Variants in TMTC1 observed in about 807,000 individuals in gnomAD.
TMTC1 encodes the protein protein O-mannosyl-transferase TMTC1.
In TMTC1, 73 loss-of-function variants were observed where a neutral mutation model predicts 104.8. The ratio of observed to expected loss-of-function variants is 0.70; its 90% confidence interval spans 0.58 to 0.85. The LOEUF is 0.85. Ranked by LOEUF, TMTC1 falls within the 40% of genes least tolerant of loss-of-function variation. The pLI, the probability that TMTC1 is intolerant of heterozygous loss-of-function variation, is 0.00. For missense variants in TMTC1, 1,035 were observed against 1,096.1 expected (o/e 0.94, Z 0.79); for synonymous variants, 434 against 428.7 (o/e 1.01, Z -0.15).
At chr12:29,643,688 A>AATT (rs1939035598) in intron 5 of TMTC1, among the ~76,000 whole-genome samples, 1 of 16,818 alleles carries the variant, frequency 5.9e-5, no homozygotes, top group Non-Finnish European at 1.0e-4. Flanking sequence ...TATATTATAT[A>AATT]TATTATATAT....
chr12:29,588,589 G>A (rs955426772), intron 7 of TMTC1, among the ~76,000 whole-genome samples: 1 of 152,212 alleles, frequency 6.6e-6, no homozygotes, highest in South Asian at 2.1e-4. Context: ...CAAAGAGACA[G>A]TAATCCTTAT....
At chr12:29,672,314 C>T (rs1221022190) in intron 5 of TMTC1, among the ~76,000 whole-genome samples, 1 of 152,210 alleles carries the variant, frequency 6.6e-6, no homozygotes, top group Non-Finnish European at 1.5e-5. Context: ...CTCTAATTTG[C>T]TCCCAAAAAG....
chr12:29,653,049 G>A (rs982883567), intron 5 of TMTC1, among the ~76,000 whole-genome samples: 2 of 151,706 alleles, frequency 1.3e-5, no homozygotes, highest in African/African-American at 4.8e-5. Context: ...GTGACAGAGT[G>A]AAACTGTGAA....
At position 29,737,872 on chromosome 12, in the gene TMTC1, C is replaced by T. The variant is rs74079997; in HGVS notation, c.938+13794G>A. Among the ~76,000 whole-genome samples the T allele has an allele frequency of 5.3e-3, 801 of 152,290 alleles. 12 individuals are homozygous for T. Among genetic ancestry groups the T allele is most frequent in the African/African-American group, 0.017 (710 of 41,564 alleles). ...TGCACGCTGTTTACCTCCTGGCTTA[C>T]AATAGGCATTCCACAGGGACTCCCT... On this transcript the variant is annotated intron_variant, in intron 5 of 17. Coordinates refer to ENST00000539277, the MANE Select transcript of TMTC1 (RefSeq NM_001193451.2).
intron 7 of TMTC1, among the ~76,000 whole-genome samples, chr12:29,586,260 G>C (rs1473055001): frequency 2.0e-5 from 3 of 152,068 alleles, no homozygotes; most frequent in Non-Finnish European, 4.4e-5. Context: ...GTATAAGAAT[G>C]CTTGTGATTT....
intron 11 of TMTC1, among the ~76,000 whole-genome samples, chr12:29,532,093 C>T (rs1013114797): frequency 2.0e-5 from 3 of 152,100 alleles, no homozygotes; most frequent in Non-Finnish European, 4.4e-5. Context: ...CTACACTATT[C>T]TTCATTTTCT....
At chr12:29,560,635 T>C (rs1217806680) in intron 9 of TMTC1, among the ~76,000 whole-genome samples, 1 of 152,108 alleles carries the variant, frequency 6.6e-6, no homozygotes, top group Non-Finnish European at 1.5e-5. Flanking sequence ...TAACAAAACA[T>C]ACATATAGAG....
intron 5 of TMTC1, among the ~76,000 whole-genome samples, chr12:29,705,235 G>T (rs1326212002): frequency 5.3e-5 from 8 of 152,188 alleles, no homozygotes; most frequent in Admixed American, 5.2e-4. Flanking sequence ...GGGTGCACAG[G>T]TGGCCCATCG....
intron 6 of TMTC1, among the ~76,000 whole-genome samples, chr12:29,614,637 G>A (rs1283959406): frequency 6.6e-6 from 1 of 152,188 alleles, no homozygotes; most frequent in Non-Finnish European, 1.5e-5. Flanking sequence ...GGAGATGCAT[G>A]CATAAAAAGA....
chr12:29,761,117 T>C (rs1943339504), intron 2 of TMTC1, among the ~76,000 whole-genome samples: 1 of 147,472 alleles, frequency 6.8e-6, no homozygotes. Flanking sequence ...CAATATAACA[T>C]GTTTTCTTAT....
intron 4 of TMTC1, among the ~76,000 whole-genome samples, chr12:29,754,805 A>G (rs1483902260): frequency 6.6e-6 from 1 of 152,138 alleles, no homozygotes; most frequent in African/African-American, 2.4e-5. Flanking sequence ...CAGGAAGGTG[A>G]TCAGAATTTC....
At chr12:29,623,814 A>AAAAT (rs10681102) in intron 6 of TMTC1, among the ~76,000 whole-genome samples, 49,646 of 148,422 alleles carry the variant, frequency 0.33, 8,737 homozygotes, top group Non-Finnish European at 0.37. Flanking sequence ...CTCCGGCTCA[A>AAAAT]AAATAAATAA....
chr12:29,683,638 A>C (rs1328493372), intron 5 of TMTC1, among the ~76,000 whole-genome samples: 1 of 152,198 alleles, frequency 6.6e-6, no homozygotes, highest in Non-Finnish European at 1.5e-5. Flanking sequence ...GCTAAATGCG[A>C]CTGTATAATT....
intron 5 of TMTC1, among the ~76,000 whole-genome samples, chr12:29,633,637 A>G (rs1938409327): frequency 6.6e-6 from 1 of 152,234 alleles, no homozygotes; most frequent in Non-Finnish European, 1.5e-5. Flanking sequence ...ACAACTGGAA[A>G]TGAATGCTAG....
Position 29,505,265 on chromosome 12 carries a change from A to G in TMTC1, c.*1581T>C, listed in dbSNP as rs1324907844. The G allele has an allele frequency of 6.6e-6, 1 of 152,232 alleles. No individual in the cohort carries two copies. Among genetic ancestry groups the G allele is most frequent in the Non-Finnish European group, 1.5e-5 (1 of 68,046 alleles). 9.4% of individuals were successfully genotyped at this position (152,232 alleles called of 1,614,324 possible). ...ATTTTTACCCTGCCCTGGCCTGAGC[A>G]TGCGAATTATGTGAGCCTTTAGGCT... On this transcript the variant is annotated 3_prime_UTR_variant, in exon 18 of 18. Transcript: ENST00000539277.
At chr12:29,696,370 G>A (rs1178717545) in intron 5 of TMTC1, among the ~76,000 whole-genome samples, 2 of 152,108 alleles carry the variant, frequency 1.3e-5, no homozygotes, top group African/African-American at 2.4e-5. Context: ...AGACTAACAG[G>A]TTTAGAAACT....
At chr12:29,773,691 G>T (rs368827820) in intron 1 of TMTC1, among the ~76,000 whole-genome samples, 2 of 152,150 alleles carry the variant, frequency 1.3e-5, no homozygotes, top group African/African-American at 4.8e-5. Context: ...TCATTCCTAG[G>T]GACAATATGA....
At chr12:29,623,787 T>C (rs749225687) in intron 6 of TMTC1, among the ~76,000 whole-genome samples, 5 of 151,638 alleles carry the variant, frequency 3.3e-5, no homozygotes, top group African/African-American at 4.9e-5. Flanking sequence ...CACTCTAGCC[T>C]GGACGACAGA....
At chr12:29,578,519 T>C (rs1445519687) in intron 8 of TMTC1, among the ~76,000 whole-genome samples, 1 of 152,178 alleles carries the variant, frequency 6.6e-6, no homozygotes, top group African/African-American at 2.4e-5. Flanking sequence ...ACAATATTCA[T>C]AAATTACATG....
Sources: gnomAD v4.1 joint callset for allele counts (sites outside exome capture counted in the v4.1 genomes callset) on GRCh38, gnomAD v4.1.1 for gene constraint, MANE v1.5 for transcripts, NCBI Gene and HGNC (gene_info 2026-07-23, HGNC 2026-07-21) for gene names.